ADRA1A: variants seen among roughly 807,000 people sequenced by gnomAD.
The protein encoded by ADRA1A is alpha-1A adrenergic receptor.
ADRA1A carries 31 observed loss-of-function variants against 29.6 expected under a neutral mutation model. The ratio of observed to expected loss-of-function variants is 1.05; its 90% confidence interval spans 0.79 to 1.41. The LOEUF is 1.41. ADRA1A is among the 40% of genes most tolerant of loss of function. The pLI, the probability that ADRA1A is intolerant of heterozygous loss-of-function variation, is 0.00. For missense variants in ADRA1A, 619 were observed against 601.1 expected (o/e 1.03, Z -0.31); for synonymous variants, 311 against 254.3 (o/e 1.22, Z -2.12).
chr8:26,776,987 T>C (rs996925906), intron 2 of ADRA1A, among the ~76,000 whole-genome samples: 11 of 152,150 alleles, frequency 7.2e-5, no homozygotes, highest in African/African-American at 2.7e-4. Flanking sequence ...GGAGCTCCAG[T>C]GCCAGTAACA....
intron 2 of ADRA1A, among the ~76,000 whole-genome samples, chr8:26,759,003 C>T (rs1419499499): frequency 6.6e-6 from 1 of 152,100 alleles, no homozygotes; most frequent in Non-Finnish European, 1.5e-5. Context: ...ACTATTTAAA[C>T]TTTATCTTTG....
rs61757017 is a variant in ADRA1A at position 26,866,239 on chromosome 8, G to A, written c.-686-584C>T. Among the ~76,000 whole-genome samples, 1 of 152,192 alleles carries A rather than the reference G, an allele frequency of 6.6e-6. No homozygotes were observed. Among genetic ancestry groups the A allele is most frequent in the African/African-American group, 2.4e-5 (1 of 41,458 alleles). Reference sequence around the variant, plus strand: ...CTGTCCACCAGCCAAGCTGGCTTGAGAGCCAGGTCCCGAGCGAAGCCGGGA... The same window carrying A: ...CTGTCCACCAGCCAAGCTGGCTTGAAAGCCAGGTCCCGAGCGAAGCCGGGA... On this transcript the variant is annotated intron_variant, in intron 1 of 2. Coordinates refer to ENST00000380573, the MANE Select transcript of ADRA1A (RefSeq NM_000680.4). This position sits in a 1 kb window ranked among gnomAD's most constrained non-coding sequence, Gnocchi z 5.7.
At chr8:26,845,722 T>A (rs1331529088) in intron 2 of ADRA1A, among the ~76,000 whole-genome samples, 1 of 152,212 alleles carries the variant, frequency 6.6e-6, no homozygotes, top group Non-Finnish European at 1.5e-5. Context: ...TAAAATATGG[T>A]ACATTCATAC....
At chr8:26,750,855 A>T (rs776403628) in intron 2 of ADRA1A, among the ~76,000 whole-genome samples, 37 of 152,170 alleles carry the variant, frequency 2.4e-4, no homozygotes, top group Non-Finnish European at 4.9e-4. Flanking sequence ...AGATCACCTG[A>T]GGTCGGGAGT....
At chr8:26,757,037 A>G in intron 2 of ADRA1A, 1 of 704,816 alleles carries the variant, frequency 1.4e-6, no homozygotes, top group Non-Finnish European at 2.6e-6. Flanking sequence ...TTCTCCAAAC[A>G]CTGAAAGAAC....
At chr8:26,812,507 A>G (rs1235750544) in intron 2 of ADRA1A, among the ~76,000 whole-genome samples, 1 of 152,140 alleles carries the variant, frequency 6.6e-6, no homozygotes, top group African/African-American at 2.4e-5. Flanking sequence ...AGAAGTCAGT[A>G]AAGTTCAGGA....
At chr8:26,748,770 A>T in intron 2 of ADRA1A, 1 of 400,848 alleles carries the variant, frequency 2.5e-6, no homozygotes, top group Non-Finnish European at 4.8e-6. Flanking sequence ...AAAAAAAAAA[A>T]GTTGAAAAAC....
In ADRA1A at chr8:26,823,867, C is replaced by T. The variant is rs997943967; in HGVS notation, c.883+40220G>A. ...AAAACCCCACAATATAGTAAGACAG[C>T]GGCAGAATTGGAAATGAAATCTTCA... On this transcript the variant is annotated intron_variant, in intron 2 of 2. Coordinates refer to ENST00000380573, the MANE Select transcript of ADRA1A (RefSeq NM_000680.4). This position sits in a 1 kb window ranked among gnomAD's most constrained non-coding sequence, Gnocchi z 4.2. Among the ~76,000 whole-genome samples the T allele has an allele frequency of 2.6e-5, 4 of 152,122 alleles. 1 individual carries two copies. The highest frequency in any genetic ancestry group is 4.1e-4 in the South Asian group (2 of 4,828).
Position 26,805,109 on chromosome 8 carries a change from G to A in ADRA1A, c.884-34443C>T, listed in dbSNP as rs1808874708. On this transcript the variant is annotated intron_variant, in intron 2 of 2. Transcript: ENST00000380573. This position sits in a 1 kb window ranked among gnomAD's most constrained non-coding sequence, Gnocchi z 4.8. Reference sequence around the variant, plus strand: ...TTGTTTCTAATGCTGTTGGTTGTTTGCATGCTAATTCTAGACTAGGAATCA... The same window carrying A: ...TTGTTTCTAATGCTGTTGGTTGTTTACATGCTAATTCTAGACTAGGAATCA... Among the ~76,000 whole-genome samples, 1 of 152,148 alleles carries A rather than the reference G, an allele frequency of 6.6e-6. No individual in the cohort carries two copies. The highest frequency in any genetic ancestry group is 2.4e-5 in the African/African-American group (1 of 41,444).
intron 2 of ADRA1A, among the ~76,000 whole-genome samples, chr8:26,843,747 A>C (rs13266949): frequency 0.096 from 14,654 of 152,252 alleles, 806 homozygotes; most frequent in Admixed American, 0.14. Flanking sequence ...GGGCATTTTC[A>C]TCTTAAGGGA....
intron 2 of ADRA1A, among the ~76,000 whole-genome samples, chr8:26,833,812 A>G (rs1402931376): frequency 1.3e-5 from 2 of 152,242 alleles, no homozygotes; most frequent in African/African-American, 2.4e-5. Context: ...TATGGCTTCA[A>G]AATAACTTAT....
At chr8:26,835,432 TC>T (rs1811276019) in intron 2 of ADRA1A, among the ~76,000 whole-genome samples, 1 of 152,176 alleles carries the variant, frequency 6.6e-6, no homozygotes, top group African/African-American at 2.4e-5. Context: ...GACTCATAGT[TC>T]CGTAGAGCTG....
rs149037352 is a variant in ADRA1A at position 26,751,165 on chromosome 8, T to C, written c.1270-2417A>G. Among the ~76,000 whole-genome samples, 419 of 152,256 alleles carry C rather than the reference T, an allele frequency of 2.8e-3. 8 individuals carry two copies. The highest frequency in any genetic ancestry group is 0.023 in the Admixed American group (356 of 15,280). On this transcript the variant is annotated intron_variant, in intron 2 of 2. Coordinates refer to the ADRA1A transcript ENST00000380586. ...ATGAGGCCTGCAGTGTGGTATGTGA[T>C]AGGATTCAGAAACCCAGAGCCCATC...
chr8:26,789,485 C>T (rs72609951), intron 2 of ADRA1A, among the ~76,000 whole-genome samples: 3,873 of 152,228 alleles, frequency 0.025, 75 homozygotes, highest in Admixed American at 0.061. Flanking sequence ...TTCTAAACTC[C>T]TATCTCTCCC....
In ADRA1A at chr8:26,864,615, T is replaced by C. The variant is rs1420086628; in HGVS notation, c.355A>G (p.Ile119Val). 1.9e-6 allele frequency: 3 copies of C among 1,614,130 alleles called. No homozygotes were observed. The highest frequency in any genetic ancestry group is 2.5e-6 in the Non-Finnish European group (3 of 1,180,020). ...CCTASIMGLC[I>V]ISIDRYIGVS... ...CCGATGTAGCGGTCGATGGAGATGATGCAGAGGCCCATGATGGACGCGGTG... is the reference window on the plus strand; with the variant it reads ...CCGATGTAGCGGTCGATGGAGATGACGCAGAGGCCCATGATGGACGCGGTG... The change falls in exon 2 of 3, where the codon ATC (isoleucine) becomes GTC (valine). Residue 119 changes from isoleucine (I) to valine (V), a missense_variant. By Grantham distance (29) the Ile-to-Val change is conservative. Transcript: ENST00000380573. The surrounding 1 kb of genome is among the most constrained non-coding windows in gnomAD (Gnocchi z 8.1).
At chr8:26,845,540 T>G (rs536609563) in intron 2 of ADRA1A, among the ~76,000 whole-genome samples, 15 of 152,276 alleles carry the variant, frequency 9.9e-5, no homozygotes, top group African/African-American at 3.1e-4. Flanking sequence ...CTTAATTAGC[T>G]AAACGTAGAA....
chr8:26,752,809 G>C (rs76826777), downstream of ADRA1A, among the ~76,000 whole-genome samples: 2 of 152,178 alleles, frequency 1.3e-5, no homozygotes, highest in African/African-American at 2.4e-5. Context: ...CTGAGAAAAA[G>C]AACAACCTGT....
chr8:26,814,239 T>G (rs1809610672), intron 2 of ADRA1A, among the ~76,000 whole-genome samples: 1 of 152,192 alleles, frequency 6.6e-6, no homozygotes, highest in South Asian at 2.1e-4. Flanking sequence ...CTTTCTAAAA[T>G]TTTTCATTTA....
chr8:26,768,468 T>A (rs748880374), downstream of ADRA1A, among the ~76,000 whole-genome samples: 5 of 152,200 alleles, frequency 3.3e-5, no homozygotes, highest in Non-Finnish European at 5.9e-5. Flanking sequence ...TCCTTAGTAA[T>A]CTATAGCTTG....
Sources: allele counts gnomAD v4.1 joint callset (sites outside exome capture counted in the v4.1 genomes callset), GRCh38; gene constraint gnomAD v4.1.1; non-coding constraint Gnocchi (gnomAD v3.1); transcripts MANE v1.5; gene names NCBI Gene and HGNC (gene_info 2026-07-23, HGNC 2026-07-21).